ZMYND8: variants seen among roughly 807,000 people sequenced by gnomAD.
ZMYND8 encodes zinc finger MYND-type containing 8.
Under a neutral mutation model 140.8 loss-of-function variants are expected in ZMYND8, and 37 were observed. The ratio of observed to expected loss-of-function variants is 0.26; its 90% CI spans 0.20 to 0.35. ZMYND8 has a LOEUF of 0.35. ZMYND8 is among the 10% of genes least tolerant of loss of function. The pLI, the probability that ZMYND8 is intolerant of heterozygous loss-of-function variation, is 1.00. For synonymous variants in ZMYND8, 592 were observed against 597.1 expected, an observed-to-expected ratio of 0.99 and a Z score of 0.12; for missense variants, 1,068 against 1,570.0, an observed-to-expected ratio of 0.68 and a Z score of 5.40.
In ZMYND8 at chr20:47,239,053, A is replaced by G. The variant is rs377213693; in HGVS notation, c.2370T>C (p.Thr790=). 8.9e-6 allele frequency: 14 copies of G among 1,574,858 alleles called. No homozygotes were observed. The highest frequency in any genetic ancestry group is 1.4e-5 in the African/African-American group (1 of 74,008). ...TPVLTRSSAQ[T]SAAGATATTS... Reference sequence around the variant, plus strand: ...TGGTGGCTGTGGCGCCAGCCGCGGAAGTTTGGGCGGAAGAGCGGGTGAGCA... The same window carrying G: ...TGGTGGCTGTGGCGCCAGCCGCGGAGGTTTGGGCGGAAGAGCGGGTGAGCA... The change falls in exon 15 of 23, where the codon ACT becomes ACC. Residue 790 remains threonine, a synonymous_variant. Coordinates refer to ENST00000471951, the MANE Select transcript of ZMYND8 (RefSeq NM_001281775.3).
chr20:47,297,797 A>G (rs958563392), intron 4 of ZMYND8, among the ~76,000 whole-genome samples: 1 of 152,186 alleles, frequency 6.6e-6, no homozygotes, highest in Non-Finnish European at 1.5e-5. Flanking sequence ...ATTTTCAGCA[A>G]TTCCAAAAAA....
chr20:47,225,365 A>G (rs2037528994), intron 18 of ZMYND8, among the ~76,000 whole-genome samples: 1 of 151,752 alleles, frequency 6.6e-6, no homozygotes, highest in Non-Finnish European at 1.5e-5. Context: ...GTTTGAGACC[A>G]GCCTGGCCAA....
chr20:47,323,182 A>G (rs753987959), intron 2 of ZMYND8, among the ~76,000 whole-genome samples: 3 of 152,164 alleles, frequency 2.0e-5, no homozygotes, highest in Non-Finnish European at 2.9e-5. Context: ...CCTGGGGGGA[A>G]GAGGGGGCCA....
rs961162571 is a variant in ZMYND8 at position 47,216,973 on chromosome 20, C to G, written c.3484+3285G>C. ...GGAGTTTGTGTTCTTGTGTAACATTCTCCAGTTAAGCACTGAGGCTCAGGT... is the reference window on the plus strand; with the variant it reads ...GGAGTTTGTGTTCTTGTGTAACATTGTCCAGTTAAGCACTGAGGCTCAGGT... On this transcript the variant is annotated intron_variant, in intron 21 of 22. Transcript: ENST00000471951. 2.6e-5 allele frequency among the ~76,000 whole-genome samples: 4 copies of G among 152,308 alleles called. No individual in the cohort carries two copies. The East Asian group carries it at 7.7e-4, about 29-fold the overall frequency.
chr20:47,275,748 T>C (rs1002245902), intron 11 of ZMYND8, among the ~76,000 whole-genome samples: 1 of 151,926 alleles, frequency 6.6e-6, no homozygotes, highest in Non-Finnish European at 1.5e-5. Flanking sequence ...GCTAGGACTA[T>C]AGACACACGC....
chr20:47,267,637 C>G (rs139532974), intron 11 of ZMYND8, among the ~76,000 whole-genome samples: 1 of 152,198 alleles, frequency 6.6e-6, no homozygotes, highest in East Asian at 1.9e-4. Context: ...GCAGCCAGGG[C>G]AGAACCCCTG....
chr20:47,355,618 G>C, intron 1 of ZMYND8: 2 of 453,192 alleles, frequency 4.4e-6, no homozygotes, highest in Non-Finnish European at 5.8e-6. Context: ...ATGGAATGCT[G>C]TCATGAGCCA....
At chr20:47,236,250 T>A in intron 16 of ZMYND8, 76 bp downstream of exon 16, 1 of 1,580,048 alleles carries the variant, frequency 6.3e-7, no homozygotes, top group Non-Finnish European at 8.7e-7. Flanking sequence ...ACGCTCACGC[T>A]TCCCCTCGGG....
intron 12 of ZMYND8, among the ~76,000 whole-genome samples, chr20:47,259,204 A>G (rs2074978112): frequency 6.6e-6 from 1 of 152,212 alleles, no homozygotes; most frequent in South Asian, 2.1e-4. Flanking sequence ...ATTTCTTTTC[A>G]GGGTGTGGAG....
At chr20:47,318,458 T>G (rs913303307) in intron 2 of ZMYND8, 1 of 338,830 alleles carries the variant, frequency 3.0e-6, no homozygotes, top group Non-Finnish European at 5.8e-6. Context: ...CAACCAGTAA[T>G]TACATCATAA....
intron 11 of ZMYND8, among the ~76,000 whole-genome samples, chr20:47,266,626 A>C (rs1461122364): frequency 1.3e-5 from 2 of 151,938 alleles, no homozygotes; most frequent in Admixed American, 6.6e-5. Flanking sequence ...AATTTACCCA[A>C]ATCTTCAGGA....
At chr20:47,239,529 A>C (rs981821957) in intron 14 of ZMYND8, among the ~76,000 whole-genome samples, 2 of 152,240 alleles carry the variant, frequency 1.3e-5, no homozygotes, top group Admixed American at 6.5e-5. Flanking sequence ...CGGCACCTTG[A>C]GAAGGGCCCA....
At chr20:47,235,424 G>A (rs1039286328) in intron 16 of ZMYND8, among the ~76,000 whole-genome samples, 1 of 152,124 alleles carries the variant, frequency 6.6e-6, no homozygotes, top group East Asian at 1.9e-4. Flanking sequence ...CACTTGGCAG[G>A]CCGGGCCTGG....
chr20:47,213,975 C>T (rs2035678041), intron 21 of ZMYND8, among the ~76,000 whole-genome samples: 2 of 152,276 alleles, frequency 1.3e-5, no homozygotes, highest in Middle Eastern at 3.4e-3. Flanking sequence ...ATAGCTCTAA[C>T]TAAAAGCTTA....
chr20:47,262,834 G>C (rs1285795599), intron 11 of ZMYND8, among the ~76,000 whole-genome samples: 1 of 152,160 alleles, frequency 6.6e-6, no homozygotes, highest in Non-Finnish European at 1.5e-5. Context: ...TCTGTTTGTG[G>C]AAAGACACCA....
chr20:47,280,125 A>C (rs895823333), intron 10 of ZMYND8, among the ~76,000 whole-genome samples: 14 of 83,844 alleles, frequency 1.7e-4, no homozygotes, highest in South Asian at 1.3e-3. Flanking sequence ...ACTCTGCTCC[A>C]AAAAAAAAAA....
chr20:47,287,339 C>T (rs2076984364), intron 7 of ZMYND8, 55 bp from the exon 8 acceptor site: 4 of 1,465,804 alleles, frequency 2.7e-6, no homozygotes, highest in Non-Finnish European at 3.8e-6. Flanking sequence ...AACACCGGGC[C>T]TGGGGACTTT....
chr20:47,231,223 TC>T (rs2080317784), intron 16 of ZMYND8, among the ~76,000 whole-genome samples: 1 of 152,072 alleles, frequency 6.6e-6, no homozygotes, highest in African/African-American at 2.4e-5. Context: ...AGCTGACTCT[TC>T]CCCCATTACA....
intron 2 of ZMYND8, among the ~76,000 whole-genome samples, chr20:47,333,742 A>AAAAAAAC (rs2081161284): frequency 1.4e-5 from 2 of 142,052 alleles, no homozygotes; most frequent in African/African-American, 5.8e-5. Flanking sequence ...AAAAAAAAAA[A>AAAAAAAC]AAAAAAAAAA....
Sources: allele counts gnomAD v4.1 joint callset (sites outside exome capture counted in the v4.1 genomes callset), GRCh38; gene constraint gnomAD v4.1.1; transcripts MANE v1.5; gene names NCBI Gene and HGNC (gene_info 2026-07-23, HGNC 2026-07-21).